The following WNT4 variants were observed in gnomAD, a reference collection of about 807,000 sequenced individuals.
WNT4 encodes the protein Wnt family member 4.
WNT4 carries 16 observed loss-of-function variants against 34.5 expected under a neutral mutation model. That is an observed-to-expected ratio of 0.46 (90% confidence interval 0.31 to 0.70). WNT4 has a LOEUF of 0.70. Among genes scored for constraint, WNT4 ranks in the 30% least tolerant of loss-of-function variants. The pLI, the probability that WNT4 is intolerant of heterozygous loss-of-function variation, is 0.04. For synonymous variants in WNT4, 200 were observed against 211.9 expected (o/e 0.94, Z 0.49); for missense variants, 379 against 495.9 (o/e 0.76, Z 2.24).
chr1:22,119,586 T>G lies in WNT4; in HGVS notation c.*464A>C. Reference sequence around the variant, plus strand: ...CTAGGCTCAAGCTGCCAGGAGTCCATGTGTATGTGTGCTGGAGAGTTAAGA... The same window carrying G: ...CTAGGCTCAAGCTGCCAGGAGTCCAGGTGTATGTGTGCTGGAGAGTTAAGA... On this transcript the variant is annotated 3_prime_UTR_variant, in exon 5 of 5. Transcript: ENST00000290167. The G allele has an allele frequency of 4.8e-6, 1 of 210,164 alleles. No individual in the cohort carries two copies. The highest frequency in any genetic ancestry group is 9.7e-6 in the Non-Finnish European group (1 of 103,436). The allele number at this position is 210,164 out of a possible 1,614,324, so 13.0% of individuals were successfully genotyped here. A position where few individuals can be genotyped will look rare whatever the true frequency, so the allele number is the denominator to read the frequency against.
At chr1:22,141,223 T>C (rs1646063616) in intron 1 of WNT4, among the ~76,000 whole-genome samples, 1 of 152,262 alleles carries the variant, frequency 6.6e-6, no homozygotes. Context: ...CTGTCTTCCA[T>C]GTAGGCCTGG....
Position 22,140,338 on chromosome 1 carries a change from C to CT in WNT4, c.77+2507_77+2508insA. The CT allele has an allele frequency of 5.6e-6, 5 of 888,994 alleles. No individual in the cohort carries two copies. Among genetic ancestry groups the CT allele is most frequent in the Non-Finnish European group, 6.7e-6 (5 of 741,996 alleles). The allele number at this position is 888,994 out of a possible 1,614,324, so 55.1% of individuals were successfully genotyped here. A position where few individuals can be genotyped will look rare whatever the true frequency, so the allele number is the denominator to read the frequency against. On this transcript the variant is annotated intron_variant, in intron 1 of 4. Coordinates refer to ENST00000290167, the MANE Select transcript of WNT4 (RefSeq NM_030761.5). This position sits in a 1 kb window ranked among gnomAD's most constrained non-coding sequence, Gnocchi z 5.9. Reference sequence around the variant, plus strand: ...GACTTGGGCAGTTACCTCTGCGATCCCCAATCTTCTCATCTGTAACGGGAT... The same window carrying CT: ...GACTTGGGCAGTTACCTCTGCGATCCTCCAATCTTCTCATCTGTAACGGGAT...
At chr1:22,135,319 G>A (rs1034398726) in intron 1 of WNT4, among the ~76,000 whole-genome samples, 3 of 152,188 alleles carry the variant, frequency 2.0e-5, no homozygotes, top group East Asian at 3.9e-4. Flanking sequence ...CCTCTGTTTC[G>A]CAGATGAGGA....
In WNT4 at chr1:22,134,925, G is replaced by C. The variant is rs1447680066; in HGVS notation, c.78-5074C>G. ...TTTTTTCAGCTGATCATGCCTGAGAGGTGGGACACGCTCCCCCGGGGTACA... is the reference window on the plus strand; with the variant it reads ...TTTTTTCAGCTGATCATGCCTGAGACGTGGGACACGCTCCCCCGGGGTACA... On this transcript the variant is annotated intron_variant, in intron 1 of 4. Coordinates refer to ENST00000290167, the MANE Select transcript of WNT4 (RefSeq NM_030761.5). This position sits in a 1 kb window ranked among gnomAD's most constrained non-coding sequence, Gnocchi z 4.1. Among the ~76,000 whole-genome samples the C allele has an allele frequency of 6.6e-6, 1 of 152,164 alleles. No individual in the cohort carries two copies. The highest frequency in any genetic ancestry group is 1.5e-5 in the Non-Finnish European group (1 of 68,032).
At chr1:22,122,735 C>G (rs78912832) in intron 2 of WNT4, among the ~76,000 whole-genome samples, 1 of 152,342 alleles carries the variant, frequency 6.6e-6, no homozygotes, top group Non-Finnish European at 1.5e-5. Context: ...GGCCTGTGCT[C>G]TCGGCTGCCC....
chr1:22,122,832 G>A (rs59709264), intron 2 of WNT4, among the ~76,000 whole-genome samples: 78,020 of 151,962 alleles, frequency 0.51, 20,535 homozygotes, highest in African/African-American at 0.55. Flanking sequence ...CTGAGCACTG[G>A]GGTGGGAGGC....
At chr1:22,136,277 C>G (rs1426401270) in intron 1 of WNT4, among the ~76,000 whole-genome samples, 2 of 152,148 alleles carry the variant, frequency 1.3e-5, no homozygotes, top group Non-Finnish European at 2.9e-5. Flanking sequence ...TCACCTTGTC[C>G]CCCAATTTGC....
intron 1 of WNT4, among the ~76,000 whole-genome samples, chr1:22,141,305 G>A (rs1205192473): frequency 1.3e-5 from 2 of 152,110 alleles, no homozygotes; most frequent in African/African-American, 4.8e-5. Flanking sequence ...GGCTTTGGCG[G>A]TGCTGGGCAG....
intron 4 of WNT4, 118 bp from the exon 5 acceptor site, chr1:22,120,635 T>C: frequency 9.8e-7 from 1 of 1,022,094 alleles, no homozygotes; most frequent in Non-Finnish European, 1.4e-6. Context: ...CAGTCAGATT[T>C]GCCGTTGTGC....
At position 22,142,397 on chromosome 1, in the gene WNT4, G is replaced by C. The variant is rs1019338163; in HGVS notation, c.77+449C>G. ...CCCAGCCCGCAGCGCGGCGCAGCTC[G>C]GCGCAGCTCGGCGCTGGGAGCTCGC... On this transcript the variant is annotated intron_variant, in intron 1 of 4. Coordinates refer to ENST00000290167, the MANE Select transcript of WNT4 (RefSeq NM_030761.5). The surrounding 1 kb of genome is among the most constrained non-coding windows in gnomAD (Gnocchi z 6.0). Among the ~76,000 whole-genome samples the C allele has an allele frequency of 2.6e-5, 4 of 152,112 alleles. No homozygotes were observed. Among genetic ancestry groups the C allele is most frequent in the African/African-American group, 4.8e-5 (2 of 41,440 alleles).
Position 22,142,355 on chromosome 1 carries a change from T to C in WNT4, c.77+491A>G, listed in dbSNP as rs1646076116. 6.6e-6 allele frequency among the ~76,000 whole-genome samples: 1 copy of C among 151,584 alleles called. No individual in the cohort carries two copies. Among genetic ancestry groups the C allele is most frequent in the Admixed American group, 6.6e-5 (1 of 15,244 alleles). On this transcript the variant is annotated intron_variant, in intron 1 of 4. Transcript: ENST00000290167. This position sits in a 1 kb window ranked among gnomAD's most constrained non-coding sequence, Gnocchi z 6.0. ...CTCCCGCCCCCCAAGCAGAAACAGGTCCCTGCACGCCTCCAGCCCAGCCCG... is the reference window on the plus strand; with the variant it reads ...CTCCCGCCCCCCAAGCAGAAACAGGCCCCTGCACGCCTCCAGCCCAGCCCG...
chr1:22,136,606 CTGG>C (rs1646023654), intron 1 of WNT4, among the ~76,000 whole-genome samples: 1 of 152,196 alleles, frequency 6.6e-6, no homozygotes. Context: ...CAGAGAATAA[CTGG>C]CTGGGGGTAC....
intron 2 of WNT4, among the ~76,000 whole-genome samples, chr1:22,124,489 T>C (rs1645926279): frequency 6.6e-6 from 1 of 152,160 alleles, no homozygotes; most frequent in South Asian, 2.1e-4. Context: ...GGAATTCAGT[T>C]AACCCGTAAA....
chr1:22,134,904 T>C lies in WNT4; in HGVS notation c.78-5053A>G, dbSNP rs1646010546. On this transcript the variant is annotated intron_variant, in intron 1 of 4. Transcript: ENST00000290167. The surrounding 1 kb of genome is among the most constrained non-coding windows in gnomAD (Gnocchi z 4.1). The stretch of plus-strand genomic sequence containing the variant: ...TTAGTCCTGGGTTCCCAGTCTTTTT[T>C]TCAGCTGATCATGCCTGAGAGGTGG... Among the ~76,000 whole-genome samples the C allele has an allele frequency of 6.6e-6, 1 of 152,170 alleles. No individual in the cohort carries two copies. The highest frequency in any genetic ancestry group is 2.4e-5 in the African/African-American group (1 of 41,424).
chr1:22,140,133 CTAGACCTTGCTCCTTGGCAGGT>C lies in WNT4; in HGVS notation c.77+2691_77+2712del, dbSNP rs569370226. On this transcript the variant is annotated intron_variant, in intron 1 of 4. Transcript: ENST00000290167. This position sits in a 1 kb window ranked among gnomAD's most constrained non-coding sequence, Gnocchi z 5.9. The stretch of plus-strand genomic sequence containing the variant: ...CAGGGTATTGGGAGGCGAGCGGAAC[CTAGACCTTGCTCCTTGGCAGGT>C]GCTGTCAGCTATCCTCTCGGGGCCA... 5.2e-5 allele frequency: 51 copies of C among 976,558 alleles called. No homozygotes were observed. The South Asian group carries it at 2.3e-3, about 44-fold the overall frequency. The allele number at this position is 976,558 out of a possible 1,614,324, so 60.5% of individuals were successfully genotyped here.
rs1190559407 is a variant in WNT4, at chr1:22,134,546, G to A, written c.78-4695C>T. ...CAGTGCAGAAAGGACATGGACCAGG[G>A]ACTCCTGGGTCCAAATGTCATCCTT... On this transcript the variant is annotated intron_variant, in intron 1 of 4. Transcript: ENST00000290167. The surrounding 1 kb of genome is among the most constrained non-coding windows in gnomAD (Gnocchi z 4.1). Among the ~76,000 whole-genome samples the A allele has an allele frequency of 6.6e-6, 1 of 152,192 alleles. No homozygotes were observed. Among genetic ancestry groups the A allele is most frequent in the Admixed American group, 6.5e-5 (1 of 15,286 alleles).
In WNT4 at chr1:22,119,419, T is replaced by C. The variant is rs1179994496; in HGVS notation, c.*631A>G. 2 of 157,236 alleles carry C rather than the reference T, an allele frequency of 1.3e-5. No individual in the cohort carries two copies. Among genetic ancestry groups the C allele is most frequent in the Admixed American group, 1.2e-4 (2 of 16,550 alleles). 9.7% of individuals were successfully genotyped at this position (157,236 alleles called of 1,614,324 possible). ...CTAGGGTGGGACTTCAGTCGTCTCT[T>C]GCTCTCATCTCCCTCTTCTTGCCTG... On this transcript the variant is annotated 3_prime_UTR_variant, in exon 5 of 5. Coordinates refer to ENST00000290167, the MANE Select transcript of WNT4 (RefSeq NM_030761.5).
rs375738907 is a variant in WNT4 at position 22,117,508 on chromosome 1, T to G, written c.*2542A>C. Reference sequence around the variant, plus strand: ...CGAGAGGAGAGTGGTTTGGGCAGGATGTGGACCCTCTGGCCAATTTCCAGG... The same window carrying G: ...CGAGAGGAGAGTGGTTTGGGCAGGAGGTGGACCCTCTGGCCAATTTCCAGG... On this transcript the variant is annotated 3_prime_UTR_variant, in exon 5 of 5. Transcript: ENST00000290167. The G allele has an allele frequency of 6.6e-6, 1 of 152,318 alleles. No individual in the cohort carries two copies. Among genetic ancestry groups the G allele is most frequent in the African/African-American group, 2.4e-5 (1 of 41,426 alleles). The allele number at this position is 152,318 out of a possible 1,614,324, so 9.4% of individuals were successfully genotyped here. A position where few individuals can be genotyped will look rare whatever the true frequency, so the allele number is the denominator to read the frequency against.
chr1:22,138,293 G>A (rs1646037541), intron 1 of WNT4, among the ~76,000 whole-genome samples: 1 of 152,112 alleles, frequency 6.6e-6, no homozygotes, highest in Admixed American at 6.5e-5. Flanking sequence ...CTACACTCCT[G>A]TCCTCTGAAA....
Sources: gnomAD v4.1 joint callset for allele counts (sites outside exome capture counted in the v4.1 genomes callset) on GRCh38, gnomAD v4.1.1 for gene constraint, Gnocchi (gnomAD v3.1) non-coding constraint, MANE v1.5 for transcripts, NCBI Gene and HGNC (gene_info 2026-07-23, HGNC 2026-07-21) for gene names.